The following SPAG16 variants were observed in gnomAD, a reference collection of about 807,000 sequenced individuals.
SPAG16 encodes sperm-associated antigen 16 protein.
In SPAG16, 86 loss-of-function variants were observed where a neutral mutation model predicts 80.4. That is an observed-to-expected ratio of 1.07 (90% CI 0.90 to 1.28). SPAG16 has a LOEUF of 1.28. Ranked by LOEUF, SPAG16 falls within the 50% of genes most tolerant of loss-of-function variation. The probability of loss-of-function intolerance (pLI) is 0.00; values close to 1 mark genes in which losing one functional copy is unlikely to be tolerated. For missense variants in SPAG16, 870 were observed against 765.3 expected (o/e 1.14, Z -1.61); for synonymous variants, 294 against 265.9 (o/e 1.11, Z -1.03).
At chr2:214,001,575 A>C (rs1046294614) in intron 12 of SPAG16, among the ~76,000 whole-genome samples, 1 of 152,164 alleles carries the variant, frequency 6.6e-6, no homozygotes, top group South Asian at 2.1e-4. Flanking sequence ...ACCCAAACCA[A>C]GAGAATCACT....
At chr2:213,831,205 G>T (rs1559503542) in intron 10 of SPAG16, among the ~76,000 whole-genome samples, 1 of 151,234 alleles carries the variant, frequency 6.6e-6, no homozygotes, top group African/African-American at 2.4e-5. Context: ...GCATCCAGCT[G>T]ATTTTTGTAT....
In SPAG16 at chr2:214,133,152, A is replaced by G. The variant is rs115693394; in HGVS notation, c.1594-15988A>G. On this transcript the variant is annotated intron_variant, in intron 14 of 15. Transcript: ENST00000331683. Reference sequence around the variant, plus strand: ...AATAAAAAAAAAACCTACCATTAGCATAGAGCAAGGTTTGGCAATACTGAT... The same window carrying G: ...AATAAAAAAAAAACCTACCATTAGCGTAGAGCAAGGTTTGGCAATACTGAT... 3.9e-3 allele frequency among the ~76,000 whole-genome samples: 597 copies of G among 151,500 alleles called. 5 individuals are homozygous for G. Among genetic ancestry groups the G allele is most frequent in the African/African-American group, 0.014 (573 of 41,418 alleles).
At chr2:213,772,999 C>G (rs1353162876) in intron 10 of SPAG16, among the ~76,000 whole-genome samples, 1 of 147,566 alleles carries the variant, frequency 6.8e-6, no homozygotes, top group African/African-American at 2.5e-5. Flanking sequence ...CTTTTTTTTT[C>G]AATTTTTTCA....
At chr2:213,952,276 T>C (rs952644500) in intron 12 of SPAG16, among the ~76,000 whole-genome samples, 1 of 151,974 alleles carries the variant, frequency 6.6e-6, no homozygotes, top group African/African-American at 2.4e-5. Context: ...AATGCAGAAA[T>C]ACATAAAAAT....
At chr2:213,289,972 T>C (rs1440253096) in intron 1 of SPAG16, among the ~76,000 whole-genome samples, 1 of 152,206 alleles carries the variant, frequency 6.6e-6, no homozygotes, top group Non-Finnish European at 1.5e-5. Flanking sequence ...CAGAATGTTA[T>C]TTGTCTCCCC....
Position 214,141,096 on chromosome 2 carries a change from G to T in SPAG16, c.1594-8044G>T, listed in dbSNP as rs572468583. On this transcript the variant is annotated intron_variant, in intron 14 of 15. Coordinates refer to ENST00000331683, the MANE Select transcript of SPAG16 (RefSeq NM_024532.5). ...TTGCTTAAGATAAGATTTAGATTAG[G>T]TTAGGGTTAGAATTAGAGTTAGGGT... Among the ~76,000 whole-genome samples, 328 of 152,070 alleles carry T rather than the reference G, an allele frequency of 2.2e-3. 2 individuals are homozygous for T. The highest frequency in any genetic ancestry group is 4.0e-3 in the Non-Finnish European group (272 of 67,986).
rs750132653 is a variant in SPAG16, at chr2:214,391,587, A to AC, written c.1721-18552dup. Reference sequence around the variant, plus strand: ...GTAGAAACACACAAGGCCAAAGGAAACACAGAGGATACAACAGAGGGAAAG... The same window carrying AC: ...GTAGAAACACACAAGGCCAAAGGAAACCACAGAGGATACAACAGAGGGAAAG... On this transcript the variant is annotated intron_variant, in intron 15 of 15. Coordinates refer to ENST00000331683, the MANE Select transcript of SPAG16 (RefSeq NM_024532.5). Among the ~76,000 whole-genome samples, 8 of 152,202 alleles carry AC rather than the reference A, an allele frequency of 5.3e-5. No individual in the cohort carries two copies. The East Asian group carries it at 5.8e-4, about 11-fold the overall frequency.
intron 8 of SPAG16, among the ~76,000 whole-genome samples, chr2:213,374,424 A>G (rs889935462): frequency 1.3e-4 from 20 of 151,920 alleles, no homozygotes; most frequent in South Asian, 4.2e-4. Flanking sequence ...GTGTACTTAT[A>G]TATGTGTATG....
At chr2:213,485,580 G>A (rs1389592570) in intron 9 of SPAG16, among the ~76,000 whole-genome samples, 1 of 147,794 alleles carries the variant, frequency 6.8e-6, no homozygotes, top group African/African-American at 2.5e-5. Flanking sequence ...TTTATGCTGT[G>A]TCCTTCACAG....
intron 3 of SPAG16, among the ~76,000 whole-genome samples, chr2:213,299,642 G>T (rs897365419): frequency 6.6e-6 from 1 of 151,788 alleles, no homozygotes; most frequent in Non-Finnish European, 1.5e-5. Context: ...TGATTGCATG[G>T]TTTGCTTTAT....
At chr2:214,039,496 C>CA in intron 13 of SPAG16, among the ~76,000 whole-genome samples, 2 of 152,246 alleles carry the variant, frequency 1.3e-5, no homozygotes, top group South Asian at 4.1e-4. Flanking sequence ...AAGAAACTAC[C>CA]ATCAGAGTGA....
Position 213,379,442 on chromosome 2 carries a change from A to G in SPAG16, c.942+4323A>G, listed in dbSNP as rs149680430. ...GATGGGGAAACATGGTAAGACCAGTAGATTCCAGGAGCATGAGCCCCATGC... is the reference window on the plus strand; with the variant it reads ...GATGGGGAAACATGGTAAGACCAGTGGATTCCAGGAGCATGAGCCCCATGC... On this transcript the variant is annotated intron_variant, in intron 9 of 15. Transcript: ENST00000331683. Among the ~76,000 whole-genome samples, 676 of 152,360 alleles carry G rather than the reference A, an allele frequency of 4.4e-3. 4 individuals carry two copies. Among genetic ancestry groups the G allele is most frequent in the African/African-American group, 0.015 (620 of 41,584 alleles).
chr2:213,285,292 G>A (rs1255083563), intron 1 of SPAG16, among the ~76,000 whole-genome samples: 3 of 152,096 alleles, frequency 2.0e-5, no homozygotes, highest in Non-Finnish European at 4.4e-5. Context: ...GATTTTTATC[G>A]GAAGTACCAG....
At chr2:213,713,150 A>G (rs1399099553) in intron 10 of SPAG16, among the ~76,000 whole-genome samples, 1 of 152,090 alleles carries the variant, frequency 6.6e-6, no homozygotes, top group Non-Finnish European at 1.5e-5. Context: ...CCATGATCTA[A>G]TCACCTCCTC....
intron 10 of SPAG16, among the ~76,000 whole-genome samples, chr2:213,524,041 T>C (rs1426635383): frequency 6.6e-6 from 1 of 152,170 alleles, no homozygotes; most frequent in Non-Finnish European, 1.5e-5. Context: ...GCCCCTCTCA[T>C]CTCAGGCCCA....
At chr2:214,330,434 G>A (rs1576798312) in intron 15 of SPAG16, among the ~76,000 whole-genome samples, 1 of 152,132 alleles carries the variant, frequency 6.6e-6, no homozygotes, top group Admixed American at 6.5e-5. Flanking sequence ...TTTACTTCAG[G>A]TTCCCCAAGA....
chr2:214,400,754 G>A (rs1169119752), intron 15 of SPAG16, among the ~76,000 whole-genome samples: 1 of 151,986 alleles, frequency 6.6e-6, no homozygotes, highest in Non-Finnish European at 1.5e-5. Flanking sequence ...TGTGTTTGAT[G>A]TCCATTCAAT....
chr2:213,667,641 T>A (rs1031453519), intron 10 of SPAG16, among the ~76,000 whole-genome samples: 2 of 152,230 alleles, frequency 1.3e-5, no homozygotes, highest in Non-Finnish European at 2.9e-5. Flanking sequence ...ACATAGTTAT[T>A]GACCACATTA....
At chr2:213,868,931 G>A (rs1469353) in intron 11 of SPAG16, among the ~76,000 whole-genome samples, 141,182 of 152,070 alleles carry the variant, frequency 0.93, 66,461 homozygotes, top group East Asian at 1. Context: ...ACCCCTTGAC[G>A]AGTACATTAT....
Sources: gnomAD v4.1 joint callset for allele counts (sites outside exome capture counted in the v4.1 genomes callset) on GRCh38, gnomAD v4.1.1 for gene constraint, MANE v1.5 for transcripts, NCBI Gene and HGNC (gene_info 2026-07-23, HGNC 2026-07-21) for gene names.